KIAA0232: variants seen among roughly 807,000 people sequenced by gnomAD.
KIAA0232 encodes KIAA0232.
A neutral mutation model predicts 122.0 loss-of-function variants in KIAA0232; 27 were observed. That is an observed-to-expected ratio of 0.22 (90% CI 0.16 to 0.31). The LOEUF is 0.31. Ranked by LOEUF, KIAA0232 falls within the 10% of genes least tolerant of loss-of-function variation. KIAA0232 has a pLI of 1.00. For synonymous variants in KIAA0232, 613 were observed against 587.6 expected (o/e 1.04, Z -0.63); for missense variants, 1,551 against 1,634.2 (o/e 0.95, Z 0.88).
At chr4:6,874,335 C>T (rs1005150837) in intron 8 of KIAA0232, among the ~76,000 whole-genome samples, 1 of 152,142 alleles carries the variant, frequency 6.6e-6, no homozygotes, top group African/African-American at 2.4e-5. Flanking sequence ...GGGAGAGGTG[C>T]CAGGCAGCAG....
chr4:6,818,235 T>C (rs919872065), intron 2 of KIAA0232, among the ~76,000 whole-genome samples: 1 of 151,888 alleles, frequency 6.6e-6, no homozygotes, highest in Non-Finnish European at 1.5e-5. Flanking sequence ...ACCCCGTCTC[T>C]ACTAAAAATA....
rs1224320497 is a variant in KIAA0232, at chr4:6,824,095, G to A, written c.-269-90G>A. The A allele has an allele frequency of 3.6e-5, 15 of 413,000 alleles. No individual in the cohort carries two copies. The South Asian group carries it at 9.5e-4, about 26-fold the overall frequency. 25.6% of individuals were successfully genotyped at this position (413,000 alleles called of 1,614,324 possible). A position where few individuals can be genotyped will look rare whatever the true frequency, so the allele number is the denominator to read the frequency against. On this transcript the variant is annotated intron_variant, in intron 2 of 9. Transcript: ENST00000307659. ...ATACCAAAAATATTTTAATAAAGAG[G>A]GACAGTTTATTTGATTTTTTTTCCT...
At chr4:6,808,360 C>T (rs1404364333) in intron 2 of KIAA0232, among the ~76,000 whole-genome samples, 1 of 150,790 alleles carries the variant, frequency 6.6e-6, no homozygotes, top group East Asian at 1.9e-4. Flanking sequence ...AAGACAGTTG[C>T]AGGTAATGCA....
chr4:6,840,589 A>T (rs946821521), intron 3 of KIAA0232, among the ~76,000 whole-genome samples: 1 of 152,224 alleles, frequency 6.6e-6, no homozygotes, highest in Non-Finnish European at 1.5e-5. Flanking sequence ...GTACCTGATA[A>T]TAGACTCTCA....
At chr4:6,842,410 CTAAT>C (rs963923032) in intron 4 of KIAA0232, among the ~76,000 whole-genome samples, 1 of 152,072 alleles carries the variant, frequency 6.6e-6, no homozygotes, top group African/African-American at 2.4e-5. Flanking sequence ...ATGTGCTACT[CTAAT>C]TAAGAGTATA....
chr4:6,844,479 T>C (rs1402830254), intron 4 of KIAA0232, among the ~76,000 whole-genome samples: 1 of 152,144 alleles, frequency 6.6e-6, no homozygotes, highest in Non-Finnish European at 1.5e-5. Context: ...TCTTACTCTA[T>C]TGCCCAGGCT....
chr4:6,874,741 G>A (rs1017706241), intron 8 of KIAA0232, among the ~76,000 whole-genome samples: 1 of 152,162 alleles, frequency 6.6e-6, no homozygotes, highest in Non-Finnish European at 1.5e-5. Flanking sequence ...ATGTATAAAA[G>A]GAGGCTAGAA....
In KIAA0232 at chr4:6,861,478, G is replaced by C. The variant is rs374413013; in HGVS notation, c.1096G>C (p.Gly366Arg). Residue 366 changes from glycine to arginine, a missense_variant, in exon 7 of 10, where the codon GGT (glycine) becomes CGT (arginine). This residue lies in a region of KIAA0232 where 377 missense variants were observed against 381.7 expected (regional missense o/e 0.99). Transcript: ENST00000307659. Reference sequence around the variant, plus strand: ...TTCTGTCAAACAGCTGTGCAAGCGGGGTAAGAGACCTTTAAAAGAAATAGG... The same window carrying C: ...TTCTGTCAAACAGCTGTGCAAGCGGCGTAAGAGACCTTTAAAAGAAATAGG... Reference protein sequence around the residue: ...SGSVKQLCKRGKRPLKEIGRK... With the variant: ...SGSVKQLCKRRKRPLKEIGRK... The C allele has an allele frequency of 7.4e-6, 12 of 1,614,000 alleles. No individual in the cohort carries two copies. Among genetic ancestry groups the C allele is most frequent in the Admixed American group, 1.7e-5 (1 of 59,998 alleles).
rs989592834 is a variant in KIAA0232 at position 6,883,495 on chromosome 4, C to T, written c.*2529C>T. 1.3e-5 allele frequency: 2 copies of T among 152,196 alleles called. No homozygotes were observed. The highest frequency in any genetic ancestry group is 1.9e-4 in the East Asian group (1 of 5,194). 9.4% of individuals were successfully genotyped at this position (152,196 alleles called of 1,614,324 possible). A position where few individuals can be genotyped will look rare whatever the true frequency, so the allele number is the denominator to read the frequency against. ...TTTGTTCTAGATGGAGGTCATTTAGCTCTCATTGCAGACACTGCTGAAAAC... is the reference window on the plus strand; with the variant it reads ...TTTGTTCTAGATGGAGGTCATTTAGTTCTCATTGCAGACACTGCTGAAAAC... On this transcript the variant is annotated 3_prime_UTR_variant, in exon 10 of 10. Coordinates refer to ENST00000307659, the MANE Select transcript of KIAA0232 (RefSeq NM_014743.3).
intron 1 of KIAA0232, among the ~76,000 whole-genome samples, chr4:6,787,711 C>G (rs568347990): frequency 4.8e-4 from 73 of 152,306 alleles, no homozygotes; most frequent in African/African-American, 1.6e-3. Flanking sequence ...CTGTAGTCCT[C>G]CAACTGGCCT....
intron 3 of KIAA0232, among the ~76,000 whole-genome samples, chr4:6,839,210 T>C (rs575230015): frequency 6.6e-6 from 1 of 152,366 alleles, no homozygotes; most frequent in South Asian, 2.1e-4. Flanking sequence ...TTAGCTCTTA[T>C]ATGAAAATTG....
rs1041019237 is a variant in KIAA0232, at chr4:6,882,071, C to T, written c.*1105C>T. On this transcript the variant is annotated 3_prime_UTR_variant, in exon 10 of 10. Transcript: ENST00000307659. Reference sequence around the variant, plus strand: ...GACTGTCGCTCCGTGGGACTGGCTCCCGTTTCTCCTTGGTGAGCCCGGGGA... The same window carrying T: ...GACTGTCGCTCCGTGGGACTGGCTCTCGTTTCTCCTTGGTGAGCCCGGGGA... 1.3e-5 allele frequency: 2 copies of T among 152,610 alleles called. No homozygotes were observed. The highest frequency in any genetic ancestry group is 4.8e-5 in the African/African-American group (2 of 41,446). The allele number at this position is 152,610 out of a possible 1,614,324, so 9.5% of individuals were successfully genotyped here.
intron 4 of KIAA0232, among the ~76,000 whole-genome samples, chr4:6,843,539 C>T (rs1014139769): frequency 2.6e-5 from 4 of 152,140 alleles, no homozygotes; most frequent in South Asian, 2.1e-4. Context: ...GAGGCCAAGG[C>T]GGGCAGATCA....
intron 4 of KIAA0232, among the ~76,000 whole-genome samples, chr4:6,844,159 C>CTCCA (rs1719827942): frequency 6.6e-6 from 1 of 151,784 alleles, no homozygotes; most frequent in Non-Finnish European, 1.5e-5. Flanking sequence ...CCAGGATGGT[C>CTCCA]TCCATCTCCT....
intron 1 of KIAA0232, among the ~76,000 whole-genome samples, chr4:6,798,472 C>T (rs1201413635): frequency 6.6e-6 from 1 of 152,150 alleles, no homozygotes; most frequent in Non-Finnish European, 1.5e-5. Context: ...CATATTTGAA[C>T]AACACTAGGT....
chr4:6,836,687 G>GCCCTGCCGCCTT (rs1200228580), intron 3 of KIAA0232, among the ~76,000 whole-genome samples: 1 of 151,888 alleles, frequency 6.6e-6, no homozygotes, highest in Non-Finnish European at 1.5e-5. Context: ...TAGGCAGAGG[G>GCCCTGCCGCCTT]CCCTGCCGCC....
chr4:6,787,611 G>A (rs1485134646), intron 1 of KIAA0232, among the ~76,000 whole-genome samples: 1 of 152,184 alleles, frequency 6.6e-6, no homozygotes, highest in Non-Finnish European at 1.5e-5. Flanking sequence ...TTGCCTCCAT[G>A]AGTCTTTTCC....
intron 4 of KIAA0232, among the ~76,000 whole-genome samples, chr4:6,853,433 T>C (rs1480975507): frequency 1.3e-5 from 2 of 152,300 alleles, no homozygotes; most frequent in African/African-American, 4.8e-5. Context: ...AGCACCCTTT[T>C]CCAGATGTAG....
rs2109092241 is a variant in KIAA0232 at position 6,835,654 on chromosome 4, T to C, written c.232-6413T>C. Among the ~76,000 whole-genome samples, 4 of 152,314 alleles carry C rather than the reference T, an allele frequency of 2.6e-5. No homozygotes were observed. In the South Asian group the frequency reaches 6.2e-4, roughly 24 times the overall value. ...CCCAACAGGCCCCCGGTGTGTGATG[T>C]TCCCCTCCCTGTGTCCATGTGTTCT... is the stretch of plus-strand genomic sequence containing the variant. On this transcript the variant is annotated intron_variant, in intron 3 of 9. Coordinates refer to ENST00000307659, the MANE Select transcript of KIAA0232 (RefSeq NM_014743.3).
Sources: gnomAD v4.1 joint callset for allele counts (sites outside exome capture counted in the v4.1 genomes callset) on GRCh38, gnomAD v4.1.1 for gene constraint, gnomAD v4.1.1 regional missense constraint, MANE v1.5 for transcripts, NCBI Gene and HGNC (gene_info 2026-07-23, HGNC 2026-07-21) for gene names.